The following SAMSN1 variants were observed in gnomAD, a reference collection of about 807,000 sequenced individuals.
SAMSN1 encodes the protein SAM domain, SH3 domain and nuclear localization signals 1, also known as SAM domain-containing protein SAMSN-1.
Under a neutral mutation model 42.0 loss-of-function variants are expected in SAMSN1, and 31 were observed. The observed-to-expected ratio is 0.74, with a 90% CI of 0.55 to 1.00. SAMSN1 has a LOEUF of 1.00. Ranked by LOEUF, SAMSN1 falls within the 50% of genes least tolerant of loss-of-function variation. The probability of loss-of-function intolerance (pLI) is 0.00; values close to 1 mark genes in which losing one functional copy is unlikely to be tolerated. For synonymous variants in SAMSN1, 178 were observed against 151.9 expected (o/e 1.17, Z -1.26); for missense variants, 464 against 439.4 (o/e 1.06, Z -0.50).
At chr21:14,585,967 T>C (rs1329270671), upstream of SAMSN1, among the ~76,000 whole-genome samples, 1 of 151,772 alleles carries the variant, frequency 6.6e-6, no homozygotes, top group Non-Finnish European at 1.5e-5. Context: ...AGAAAATGTA[T>C]TCAGATTAAA....
intron 2 of SAMSN1, among the ~76,000 whole-genome samples, chr21:14,519,845 G>A (rs987016383): frequency 3.3e-5 from 5 of 152,054 alleles, no homozygotes; most frequent in African/African-American, 1.2e-4. Context: ...CCCCTTCTCT[G>A]TACTATTTTA....
At chr21:14,633,156 G>A (rs1983375152) in intron 2 of SAMSN1, among the ~76,000 whole-genome samples, 1 of 151,864 alleles carries the variant, frequency 6.6e-6, no homozygotes, top group African/African-American at 2.4e-5. Flanking sequence ...GATATTTAGT[G>A]AAACACCAGT....
intron 3 of SAMSN1, among the ~76,000 whole-genome samples, chr21:14,516,388 T>A (rs993500777): frequency 6.6e-6 from 1 of 152,002 alleles, no homozygotes; most frequent in South Asian, 2.1e-4. Context: ...AGATGCATGA[T>A]CTTTTTTTTT....
chr21:14,547,426 G>GA (rs1167801498), upstream of SAMSN1, among the ~76,000 whole-genome samples: 1 of 152,042 alleles, frequency 6.6e-6, no homozygotes, highest in Non-Finnish European at 1.5e-5. Context: ...TTATGATAAT[G>GA]AAAAAAGCAA....
At chr21:14,629,613 C>T (rs1407610128) in intron 2 of SAMSN1, among the ~76,000 whole-genome samples, 1 of 152,176 alleles carries the variant, frequency 6.6e-6, no homozygotes, top group Non-Finnish European at 1.5e-5. Context: ...GGGTGGTGTA[C>T]AGCATCCACA....
intron 1 of SAMSN1, among the ~76,000 whole-genome samples, chr21:14,643,830 C>T (rs1360161281): frequency 6.6e-6 from 1 of 152,208 alleles, no homozygotes; most frequent in Admixed American, 6.5e-5. Flanking sequence ...GTGGCACCTG[C>T]GGCCTGGTGT....
intron 4 of SAMSN1, among the ~76,000 whole-genome samples, chr21:14,611,040 C>G (rs1206103186): frequency 6.6e-6 from 1 of 152,120 alleles, no homozygotes; most frequent in Non-Finnish European, 1.5e-5. Context: ...ATCCTCCTGC[C>G]TCAATTTCCC....
At chr21:14,555,057 A>C (rs2123185669) in intron 2 of SAMSN1, among the ~76,000 whole-genome samples, 1 of 152,246 alleles carries the variant, frequency 6.6e-6, no homozygotes, top group East Asian at 1.9e-4. Flanking sequence ...TTTCTTTGAG[A>C]CTATTCAGGT....
Position 14,539,526 on chromosome 21 carries a change from T to G in SAMSN1, c.57+6679A>C, listed in dbSNP as rs529691094. Among the ~76,000 whole-genome samples the G allele has an allele frequency of 6.8e-4, 103 of 152,098 alleles. 1 individual carries two copies. The highest frequency in any genetic ancestry group is 2.1e-3 in the South Asian group (10 of 4,810). ...AGACAAACAGAGAGCCAAATCATGATTGAACTCCCATTCACAATTGCTTCA... is the reference window on the plus strand; with the variant it reads ...AGACAAACAGAGAGCCAAATCATGAGTGAACTCCCATTCACAATTGCTTCA... On this transcript the variant is annotated intron_variant, in intron 1 of 7. Transcript: ENST00000400566.
chr21:14,546,330 G>C, upstream of SAMSN1: 1 of 1,603,666 alleles, frequency 6.2e-7, no homozygotes, highest in Non-Finnish European at 8.5e-7. Flanking sequence ...ACAGTCAGCA[G>C]TGTGCTGTCT....
chr21:14,551,115 C>T (rs1464601736), upstream of SAMSN1, among the ~76,000 whole-genome samples: 4 of 152,008 alleles, frequency 2.6e-5, no homozygotes, highest in East Asian at 7.7e-4. Context: ...AGGATCTACC[C>T]TTGATGTGCT....
Position 14,500,564 on chromosome 21 carries a change from T to G in SAMSN1, c.733A>C (p.Thr245Pro), listed in dbSNP as rs776357969. ...NRRSNSKKSK[T>P]LQEFLERIHL... is the part of the protein sequence containing the mutation. ...ATCCTCTCTAGGAACTCCTGCAGAG[T>G]CTTGGATTTTTTGCTGTTACTCCTT... Residue 245 changes from threonine (T) to proline (P), a missense_variant, in exon 6 of 8, where the codon ACT (threonine) becomes CCT (proline). Physicochemically the swap from Thr to Pro is conservative, Grantham distance 38 (BLOSUM62 -1). Transcript: ENST00000400566. 5.0e-6 allele frequency: 8 copies of G among 1,613,912 alleles called. No homozygotes were observed. In the Admixed American group the frequency reaches 1.3e-4, roughly 27 times the overall value.
chr21:14,501,491 C>T (rs1292446593), intron 5 of SAMSN1, among the ~76,000 whole-genome samples: 1 of 152,154 alleles, frequency 6.6e-6, no homozygotes, highest in East Asian at 1.9e-4. Context: ...AATTGATGCT[C>T]TTTTTATTTA....
rs1982798610 is a variant in SAMSN1, at chr21:14,614,947, T to C, written c.197+1029A>G. Among the ~76,000 whole-genome samples, 5 of 152,334 alleles carry C rather than the reference T, an allele frequency of 3.3e-5. No homozygotes were observed. The South Asian group carries it at 1.0e-3, about 32-fold the overall frequency. ...GTAAATTGGTCATCATCAGACACTT[T>C]CCCTTTAATTCAATCCTCCTTCTGT... On this transcript the variant is annotated intron_variant, in intron 3 of 15. Coordinates refer to the SAMSN1 transcript ENST00000647101.
At position 14,649,272 on chromosome 21, in the gene SAMSN1, TG is replaced by T. The variant is rs1983781769; in HGVS notation, c.25-6140del. Among the ~76,000 whole-genome samples, 3 of 59,202 alleles carry T rather than the reference TG, an allele frequency of 5.1e-5. No homozygotes were observed. In the South Asian group the frequency reaches 1.8e-3, roughly 36 times the overall value. 38.8% of individuals were successfully genotyped at this position (59,202 alleles called of 152,430 possible). ...GAACATCATACTCTGGGGACTGTTGTGGGGTGGGGGGAGGGGGGGAGGGATA... is the reference window on the plus strand; with the variant it reads ...GAACATCATACTCTGGGGACTGTTGTGGGTGGGGGGAGGGGGGGAGGGATA... On this transcript the variant is annotated intron_variant, in intron 1 of 15. Coordinates refer to the SAMSN1 transcript ENST00000647101.
chr21:14,629,811 T>A (rs1001111295), intron 2 of SAMSN1, among the ~76,000 whole-genome samples: 4 of 152,166 alleles, frequency 2.6e-5, no homozygotes, highest in Non-Finnish European at 5.9e-5. Flanking sequence ...ATATCCAGGA[T>A]GGCAAAACAG....
chr21:14,617,874 A>T (rs1982883979), intron 2 of SAMSN1, among the ~76,000 whole-genome samples: 1 of 152,230 alleles, frequency 6.6e-6, no homozygotes, highest in South Asian at 2.1e-4. Context: ...TGGAAAGAAG[A>T]TGTATTACGC....
At chr21:14,498,364 G>C in intron 7 of SAMSN1, 78 bp downstream of exon 7, 1 of 1,235,362 alleles carries the variant, frequency 8.1e-7, no homozygotes. Context: ...AATAAAACTG[G>C]GGCTTTGTTT....
intron 5 of SAMSN1, among the ~76,000 whole-genome samples, chr21:14,505,069 A>G (rs1262539104): frequency 6.6e-6 from 1 of 152,180 alleles, no homozygotes; most frequent in African/African-American, 2.4e-5. Flanking sequence ...TGTCACTACC[A>G]AGCCACTAAA....
Sources: allele counts gnomAD v4.1 joint callset (sites outside exome capture counted in the v4.1 genomes callset), GRCh38; gene constraint gnomAD v4.1.1; transcripts MANE v1.5; gene names NCBI Gene and HGNC (gene_info 2026-07-23, HGNC 2026-07-21).